The following SCAMP4 variants were observed in gnomAD, a reference collection of about 807,000 sequenced individuals.
SCAMP4 encodes the protein secretory carrier-associated membrane protein 4.
In SCAMP4, 19 loss-of-function variants were observed where a neutral mutation model predicts 32.1. The observed-to-expected ratio is 0.59, with a 90% CI of 0.41 to 0.87. The LOEUF is 0.87. SCAMP4 is among the 40% of genes least tolerant of loss of function. The pLI, the probability that SCAMP4 is intolerant of heterozygous loss-of-function variation, is 0.00. For synonymous variants in SCAMP4, 152 were observed against 132.7 expected, an observed-to-expected ratio of 1.15 and a Z score of -1.00; for missense variants, 302 against 309.0, an observed-to-expected ratio of 0.98 and a Z score of 0.17.
intron 2 of SCAMP4, among the ~76,000 whole-genome samples, chr19:1,916,509 A>AG (rs2013738597): frequency 6.6e-6 from 1 of 152,094 alleles, no homozygotes; most frequent in African/African-American, 2.4e-5. Context: ...CCCAGGCTGG[A>AG]GTGCAGTGGT....
rs146212621 is a variant in SCAMP4, at chr19:1,912,901, A to G, written c.-41-2078A>G. ...CGCGCAGGCGCCGTGCGTAAACTGG[A>G]CGCAGACGAGGACGGCCTCCCCTAC... On this transcript the variant is annotated intron_variant, in intron 1 of 6. Transcript: ENST00000316097. 15 of 1,608,404 alleles carry G rather than the reference A, an allele frequency of 9.3e-6. No homozygotes were observed. In the Admixed American group the frequency reaches 2.5e-4, roughly 27 times the overall value.
chr19:1,917,415 A>G (rs978130052), intron 2 of SCAMP4, among the ~76,000 whole-genome samples: 4 of 152,156 alleles, frequency 2.6e-5, no homozygotes, highest in Non-Finnish European at 1.5e-5. Flanking sequence ...CGCCTTGCCC[A>G]GCGTCTAGAG....
In SCAMP4 at chr19:1,913,210, A is replaced by C. The variant is rs995288730; in HGVS notation, c.-41-1769A>C. ...CCCGGCCGTGGGGCGCCCCTCCTGG[A>C]CTTCCGGGCCTCGATTTCTTCCGCA... On this transcript the variant is annotated intron_variant, in intron 1 of 6. Transcript: ENST00000316097. The C allele has an allele frequency of 2.7e-6, 4 of 1,458,620 alleles. No homozygotes were observed. In the African/African-American group the frequency reaches 4.3e-5, roughly 16 times the overall value. 90.4% of individuals were successfully genotyped at this position (1,458,620 alleles called of 1,614,324 possible).
At position 1,922,007 on chromosome 19, in the gene SCAMP4, C is replaced by T. The variant is rs1230220659; in HGVS notation, c.396-1063C>T. The stretch of plus-strand genomic sequence containing the variant: ...CCCGGACACATCCGGGGGTGTGGGT[C>T]CTGCGGGCTGCCTGTGCACCAGGGA... On this transcript the variant is annotated intron_variant, in intron 5 of 6. Coordinates refer to ENST00000316097, the MANE Select transcript of SCAMP4 (RefSeq NM_079834.4). 5.1e-6 allele frequency: 5 copies of T among 985,332 alleles called. No homozygotes were observed. The East Asian group carries it at 4.5e-4, about 89-fold the overall frequency. The allele number at this position is 985,332 out of a possible 1,614,324, so 61.0% of individuals were successfully genotyped here.
rs2013264019 is a variant in SCAMP4 at position 1,908,539 on chromosome 19, G to C, written c.-42+3100G>C. The C allele has an allele frequency of 2.1e-6, 1 of 471,178 alleles. No individual in the cohort carries two copies. The highest frequency in any genetic ancestry group is 4.4e-6 in the Non-Finnish European group (1 of 227,050). The allele number at this position is 471,178 out of a possible 1,614,324, so 29.2% of individuals were successfully genotyped here. ...ATGTGTAGTCCAGGCTGGCAGTTCA[G>C]GATCACCCGGCTGGAGTCATTTTAA... On this transcript the variant is annotated intron_variant, in intron 1 of 6. Transcript: ENST00000316097. This position sits in a 1 kb window ranked among gnomAD's most constrained non-coding sequence, Gnocchi z 4.2.
rs958516660 is a variant in SCAMP4 at position 1,920,595 on chromosome 19, G to A, written c.395+1605G>A. ...TCTGAGTTAGAGTCATAGTGAGCGTGTGCCTGGGACTCCCAGCTCTGCCAG... is the reference window on the plus strand; with the variant it reads ...TCTGAGTTAGAGTCATAGTGAGCGTATGCCTGGGACTCCCAGCTCTGCCAG... On this transcript the variant is annotated intron_variant, in intron 5 of 6. Transcript: ENST00000316097. The A allele has an allele frequency of 3.0e-6, 3 of 985,398 alleles. No individual in the cohort carries two copies. The African/African-American group carries it at 5.2e-5, about 17-fold the overall frequency. The allele number at this position is 985,398 out of a possible 1,614,324, so 61.0% of individuals were successfully genotyped here. A position where few individuals can be genotyped will look rare whatever the true frequency, so the allele number is the denominator to read the frequency against.
chr19:1,922,515 G>C, intron 5 of SCAMP4: 5 of 984,460 alleles, frequency 5.1e-6, no homozygotes, highest in Non-Finnish European at 6.0e-6. Flanking sequence ...GACGACAGGC[G>C]TAAGCCTCTG....
chr19:1,906,368 AG>A (rs1425446021), intron 1 of SCAMP4: 1 of 146,650 alleles, frequency 6.8e-6, no homozygotes, highest in Non-Finnish European at 1.5e-5. Context: ...TCCAAAAAAA[AG>A]AAAAAAAGAT....
intron 5 of SCAMP4, 34 bp from the exon 6 acceptor site, chr19:1,923,036 T>G: frequency 6.6e-7 from 1 of 1,511,136 alleles, no homozygotes. Flanking sequence ...CCAGCAGGTG[T>G]GCAGGCACCC....
intron 1 of SCAMP4, chr19:1,911,762 G>A (rs55854240): frequency 0.48 from 145,997 of 302,842 alleles, 40,460 homozygotes; most frequent in Non-Finnish European, 0.61. Flanking sequence ...CAGCCTGGGC[G>A]ACAGCGAGAC....
rs768006549 is a variant in SCAMP4 at position 1,924,119 on chromosome 19, C to G, written c.525C>G (p.Ile175Met). 1 of 1,609,244 alleles carries G rather than the reference C, an allele frequency of 6.2e-7. No individual in the cohort carries two copies. Among genetic ancestry groups the G allele is most frequent in the Non-Finnish European group, 8.5e-7 (1 of 1,178,324 alleles). The change falls in exon 7 of 7, where the codon ATC (isoleucine) becomes ATG (methionine). Residue 175 changes from isoleucine (I) to methionine (M), a missense_variant. Coordinates refer to ENST00000316097, the MANE Select transcript of SCAMP4 (RefSeq NM_079834.4). ...MAIAIMKVHR[I>M]YRGAGGSFQK... is the part of the protein sequence containing the mutation. ...CTCTGTCCTTGCAGGTGCACAGGAT[C>G]TACCGAGGGGCTGGCGGAAGCTTCC...
chr19:1,915,063 G>T (rs1175937540), intron 2 of SCAMP4, 37 bp downstream of exon 2: 10 of 1,613,054 alleles, frequency 6.2e-6, no homozygotes, highest in African/African-American at 1.3e-5. Context: ...CAGCAGCGTG[G>T]GCGGGAGGGA....
Position 1,908,176 on chromosome 19 carries a change from A to G in SCAMP4, c.-42+2737A>G, listed in dbSNP as rs937483400. The G allele has an allele frequency of 2.6e-5, 7 of 268,746 alleles. No individual in the cohort carries two copies. The highest frequency in any genetic ancestry group is 1.6e-4 in the African/African-American group (7 of 42,794). 16.6% of individuals were successfully genotyped at this position (268,746 alleles called of 1,614,324 possible). On this transcript the variant is annotated intron_variant, in intron 1 of 6. Coordinates refer to ENST00000316097, the MANE Select transcript of SCAMP4 (RefSeq NM_079834.4). The surrounding 1 kb of genome is among the most constrained non-coding windows in gnomAD (Gnocchi z 4.2). ...GTGTGCGTTTTGGGAGGGCCCAGCG[A>G]GTCGGCTGCTATGGGCCCCACCTGG...
intron 5 of SCAMP4, chr19:1,920,247 G>A (rs913578073): frequency 6.1e-6 from 6 of 985,354 alleles, no homozygotes; most frequent in Admixed American, 6.1e-5. Context: ...CACGGGTGAC[G>A]CTGCTCACGG....
intron 1 of SCAMP4, among the ~76,000 whole-genome samples, chr19:1,913,818 C>G (rs1472207175): frequency 6.6e-6 from 1 of 152,236 alleles, no homozygotes; most frequent in Non-Finnish European, 1.5e-5. Context: ...TGGAGCAGGA[C>G]CTGTGGGTCC....
intron 2 of SCAMP4, among the ~76,000 whole-genome samples, chr19:1,915,239 G>A (rs938294826): frequency 2.0e-5 from 3 of 152,322 alleles, no homozygotes; most frequent in East Asian, 1.9e-4. Context: ...CCGCTCGGAC[G>A]CCTCACTGAC....
At chr19:1,912,841 G>A in intron 1 of SCAMP4, 1 of 1,594,548 alleles carries the variant, frequency 6.3e-7, no homozygotes, top group South Asian at 1.1e-5. Context: ...TTCCCCGCCT[G>A]CTCCTTCGCC....
Position 1,909,317 on chromosome 19 carries a change from G to C in SCAMP4, c.-42+3878G>C, listed in dbSNP as rs144508099. Among the ~76,000 whole-genome samples, 111 of 152,280 alleles carry C rather than the reference G, an allele frequency of 7.3e-4. No homozygotes were observed. In the Middle Eastern group the frequency reaches 0.014, roughly 19 times the overall value. Reference sequence around the variant, plus strand: ...TGTGAGCAGTCCCTGCAGGCTGGCTGTCCCCACGCCTGCCTCTCTGCTGTG... The same window carrying C: ...TGTGAGCAGTCCCTGCAGGCTGGCTCTCCCCACGCCTGCCTCTCTGCTGTG... On this transcript the variant is annotated intron_variant, in intron 1 of 6. Transcript: ENST00000316097.
At chr19:1,912,538 C>A in intron 1 of SCAMP4, 1 of 1,500,402 alleles carries the variant, frequency 6.7e-7, no homozygotes. Flanking sequence ...CACTGGCCCA[C>A]GTCCTTCCAC....
Sources: gnomAD v4.1 joint callset for allele counts (sites outside exome capture counted in the v4.1 genomes callset) on GRCh38, gnomAD v4.1.1 for gene constraint, Gnocchi (gnomAD v3.1) non-coding constraint, MANE v1.5 for transcripts, NCBI Gene and HGNC (gene_info 2026-07-23, HGNC 2026-07-21) for gene names.